KLHDC10: variants seen among roughly 807,000 people sequenced by gnomAD.
KLHDC10 encodes kelch domain containing 10.
A neutral mutation model predicts 56.1 loss-of-function variants in KLHDC10; 24 were observed. That is an observed-to-expected ratio of 0.43 (90% confidence interval 0.31 to 0.60). The LOEUF (loss-of-function observed/expected upper bound fraction) is 0.60. Among genes scored for constraint, KLHDC10 ranks in the 20% least tolerant of loss-of-function variants. The pLI is 0.11. For synonymous variants in KLHDC10, 188 were observed against 207.1 expected, an observed-to-expected ratio of 0.91 and a Z score of 0.79; for missense variants, 349 against 567.0, an observed-to-expected ratio of 0.62 and a Z score of 3.91.
chr7:130,086,477 T>G (rs1280962152), intron 1 of KLHDC10, among the ~76,000 whole-genome samples: 2 of 152,230 alleles, frequency 1.3e-5, no homozygotes, highest in Non-Finnish European at 2.9e-5. Context: ...CGTTTTGCAG[T>G]CTGTCTCCCT....
chr7:130,120,710 A>G lies in KLHDC10; in HGVS notation c.476-39A>G, dbSNP rs753794899. On this transcript the variant is annotated intron_variant, in intron 3 of 9. Coordinates refer to ENST00000335420, the MANE Select transcript of KLHDC10 (RefSeq NM_014997.4). This position sits in a 1 kb window ranked among gnomAD's most constrained non-coding sequence, Gnocchi z 5.1. ...GTTTATGTGGGAACAAATTGCAGGTAGCCATTTGTGAACAGAACTTGTGCT... is the reference window on the plus strand; with the variant it reads ...GTTTATGTGGGAACAAATTGCAGGTGGCCATTTGTGAACAGAACTTGTGCT... 1 of 1,607,022 alleles carries G rather than the reference A, an allele frequency of 6.2e-7. No homozygotes were observed. Among genetic ancestry groups the G allele is most frequent in the Non-Finnish European group, 8.5e-7 (1 of 1,174,946 alleles).
intron 1 of KLHDC10, chr7:130,094,761 G>A (rs985405329): frequency 1.3e-5 from 2 of 152,038 alleles, no homozygotes; most frequent in African/African-American, 4.8e-5. Flanking sequence ...ATTTAAGTAT[G>A]TTTATTTAGC....
rs1483309037 is a variant in KLHDC10, at chr7:130,123,937, A to G, written c.780-514A>G. On this transcript the variant is annotated intron_variant, in intron 5 of 9. Transcript: ENST00000335420. ...TCTGTGTAGTATAATTTTCTGCTAAATAAGTATCTTAATTTGCAAACTCAT... is the reference window on the plus strand; with the variant it reads ...TCTGTGTAGTATAATTTTCTGCTAAGTAAGTATCTTAATTTGCAAACTCAT... 3.9e-5 allele frequency among the ~76,000 whole-genome samples: 6 copies of G among 152,378 alleles called. No individual in the cohort carries two copies. In the East Asian group the frequency reaches 9.6e-4, roughly 24 times the overall value.
chr7:130,130,621 G>T lies in KLHDC10; in HGVS notation c.1204G>T (p.Val402Leu). The T allele has an allele frequency of 6.2e-7, 1 of 1,614,008 alleles. No individual in the cohort carries two copies. Among genetic ancestry groups the T allele is most frequent in the Non-Finnish European group, 8.5e-7 (1 of 1,179,926 alleles). The change falls in exon 10 of 10, where the codon GTA (valine) becomes TTA (leucine). Residue 402 changes from valine (V) to leucine (L), a missense_variant. This residue lies in a region of KLHDC10 where 245 missense variants were observed against 470.1 expected (regional missense o/e 0.52). Transcript: ENST00000335420. The surrounding 1 kb of genome is among the most constrained non-coding windows in gnomAD (Gnocchi z 4.2). ...GTCATTGTTTAAGATCTGGCTGGTG[G>T]TACCTAGCCTGCTGGAACTGGCATG... The part of the protein sequence containing the change: ...TGSLFKIWLV[V>L]PSLLELAWEK...
chr7:130,104,846 A>T, intron 2 of KLHDC10, among the ~76,000 whole-genome samples: 1 of 152,214 alleles, frequency 6.6e-6, no homozygotes, highest in East Asian at 1.9e-4. Flanking sequence ...AGCATTCATG[A>T]GAACTTCGTC....
chr7:130,082,019 A>T (rs1449822477), intron 1 of KLHDC10, among the ~76,000 whole-genome samples: 1 of 152,194 alleles, frequency 6.6e-6, no homozygotes, highest in African/African-American at 2.4e-5. Flanking sequence ...ATTAATTAAA[A>T]TTTGGATAAT....
At chr7:130,111,545 C>CA (rs895494161) in intron 2 of KLHDC10, among the ~76,000 whole-genome samples, 65 of 151,590 alleles carry the variant, frequency 4.3e-4, no homozygotes, top group Non-Finnish European at 8.8e-5. Flanking sequence ...CTCATCTCTA[C>CA]AAAAAAAATA....
At chr7:130,081,852 T>C (rs1172159598) in intron 1 of KLHDC10, among the ~76,000 whole-genome samples, 2 of 152,218 alleles carry the variant, frequency 1.3e-5, no homozygotes, top group African/African-American at 4.8e-5. Context: ...ATTTTTCCCT[T>C]CCATTTCTTT....
At chr7:130,128,889 A>AAAAAAAAAAAAAAAAAAAATATATATAT in intron 8 of KLHDC10, among the ~76,000 whole-genome samples, 7 of 66,952 alleles carry the variant, frequency 1.0e-4, no homozygotes, top group Admixed American at 1.5e-4. Flanking sequence ...AAAAAAAAAA[A>AAAAAAAAAAAAAAAAAAAATATATATAT]ATATATATAT....
Position 130,079,302 on chromosome 7 carries a change from C to T in KLHDC10, c.166+8493C>T, listed in dbSNP as rs757999231. 7.5e-4 allele frequency among the ~76,000 whole-genome samples: 114 copies of T among 152,212 alleles called. 1 individual carries two copies. The highest frequency in any genetic ancestry group is 1.5e-3 in the Non-Finnish European group (105 of 68,018). ...TGAACTCTTGACCTCAAGTGATTCGCCCACCTCGGCCTCCCAAAGTGCTGG... is the reference window on the plus strand; with the variant it reads ...TGAACTCTTGACCTCAAGTGATTCGTCCACCTCGGCCTCCCAAAGTGCTGG... On this transcript the variant is annotated intron_variant, in intron 1 of 9. Transcript: ENST00000335420.
At position 130,114,727 on chromosome 7, in the gene KLHDC10, T is replaced by A. The variant is rs1331436983; in HGVS notation, c.254-1718T>A. ...TATTAATTGTACATGTATACACTAA[T>A]ATATGAGTAGTATGGTACTGAACTG... On this transcript the variant is annotated intron_variant, in intron 2 of 9. Transcript: ENST00000335420. 1.6e-4 allele frequency among the ~76,000 whole-genome samples: 25 copies of A among 152,144 alleles called. 1 individual carries two copies. The highest frequency in any genetic ancestry group is 1.6e-3 in the Admixed American group (25 of 15,276).
intron 1 of KLHDC10, among the ~76,000 whole-genome samples, chr7:130,093,702 A>G (rs1584625288): frequency 6.6e-6 from 1 of 152,146 alleles, no homozygotes; most frequent in African/African-American, 2.4e-5. Context: ...TCACACTGTT[A>G]TGTTGCTGGT....
At chr7:130,104,297 C>T (rs997120386) in intron 2 of KLHDC10, among the ~76,000 whole-genome samples, 2 of 152,024 alleles carry the variant, frequency 1.3e-5, no homozygotes, top group African/African-American at 4.8e-5. Flanking sequence ...TCATTTTGTT[C>T]AAGGGTCAAC....
chr7:130,116,585 T>C lies in KLHDC10; in HGVS notation c.394T>C (p.Trp132Arg). 6.2e-7 allele frequency: 1 copy of C among 1,614,176 alleles called. No homozygotes were observed. Among genetic ancestry groups the C allele is most frequent in the Non-Finnish European group, 8.5e-7 (1 of 1,180,024 alleles). The change falls in exon 3 of 10, where the codon TGG becomes CGG. Residue 132 changes from tryptophan (W) to arginine (R), a missense_variant. Coordinates refer to ENST00000335420, the MANE Select transcript of KLHDC10 (RefSeq NM_014997.4). This position sits in a 1 kb window ranked among gnomAD's most constrained non-coding sequence, Gnocchi z 4.8. ...NEDYPLFREL[W>R]RYHFATGVWH... Reference sequence around the variant, plus strand: ...AGACTATCCTCTCTTCAGGGAACTCTGGAGGTATCATTTTGCTACAGGAGT... The same window carrying C: ...AGACTATCCTCTCTTCAGGGAACTCCGGAGGTATCATTTTGCTACAGGAGT...
Position 130,130,077 on chromosome 7 carries a change from G to T in KLHDC10, c.1120-460G>T, listed in dbSNP as rs1293020554. Among the ~76,000 whole-genome samples the T allele has an allele frequency of 2.0e-5, 3 of 152,052 alleles. No individual in the cohort carries two copies. The highest frequency in any genetic ancestry group is 4.4e-5 in the Non-Finnish European group (3 of 68,014). Reference sequence around the variant, plus strand: ...CAGGCCTGTAATCCCAGCACTTTGGGAGGCCAAGGTGGGCGGATCACGAGG... The same window carrying T: ...CAGGCCTGTAATCCCAGCACTTTGGTAGGCCAAGGTGGGCGGATCACGAGG... On this transcript the variant is annotated intron_variant, in intron 9 of 9. Transcript: ENST00000335420. The surrounding 1 kb of genome is among the most constrained non-coding windows in gnomAD (Gnocchi z 4.2).
intron 8 of KLHDC10, among the ~76,000 whole-genome samples, chr7:130,128,889 A>AAAAAAAAAAAATATATATAT: frequency 1.5e-5 from 1 of 66,956 alleles, no homozygotes; most frequent in Non-Finnish European, 2.8e-5. Flanking sequence ...AAAAAAAAAA[A>AAAAAAAAAAAATATATATAT]ATATATATAT....
intron 1 of KLHDC10, among the ~76,000 whole-genome samples, chr7:130,077,150 C>T (rs62491306): frequency 0.053 from 8,110 of 151,662 alleles, 284 homozygotes; most frequent in South Asian, 0.094. Context: ...AGGCCAGGAG[C>T]TTGAGACCAG....
intron 1 of KLHDC10, among the ~76,000 whole-genome samples, chr7:130,073,334 G>A (rs1445634118): frequency 2.2e-5 from 3 of 136,714 alleles, no homozygotes; most frequent in East Asian, 4.3e-4. Flanking sequence ...CTCACTCTGT[G>A]GCCCAGGCTG....
intron 1 of KLHDC10, among the ~76,000 whole-genome samples, chr7:130,092,352 G>A (rs1795786534): frequency 6.6e-6 from 1 of 152,168 alleles, no homozygotes; most frequent in Admixed American, 6.5e-5. Flanking sequence ...TCTCTTTTGT[G>A]TCTTAACTTT....
Sources: allele counts gnomAD v4.1 joint callset (sites outside exome capture counted in the v4.1 genomes callset), GRCh38; gene constraint gnomAD v4.1.1; regional missense constraint gnomAD v4.1.1; non-coding constraint Gnocchi (gnomAD v3.1); transcripts MANE v1.5; gene names NCBI Gene and HGNC (gene_info 2026-07-23, HGNC 2026-07-21).